TBC1D14: variants seen among roughly 807,000 people sequenced by gnomAD.
TBC1D14 encodes the protein TBC1 domain family member 14, also known as TBC1 domain family, member 14.
TBC1D14 carries 26 observed loss-of-function variants against 79.0 expected under a neutral mutation model. That is an observed-to-expected ratio of 0.33 (90% CI 0.24 to 0.46). The LOEUF (loss-of-function observed/expected upper bound fraction) is 0.46, where lower values mean the gene tolerates loss of function less well. Ranked by LOEUF, TBC1D14 falls within the 20% of genes least tolerant of loss-of-function variation. The pLI, the probability that TBC1D14 is intolerant of heterozygous loss-of-function variation, is 1.00. For synonymous variants in TBC1D14, 394 were observed against 349.9 expected (o/e 1.13, Z -1.40); for missense variants, 769 against 887.6 (o/e 0.87, Z 1.70).
At chr4:6,996,267 TC>T in intron 4 of TBC1D14, 57 bp from the exon 5 acceptor site, 1 of 1,420,972 alleles carries the variant, frequency 7.0e-7, no homozygotes, top group Admixed American at 1.9e-5. Context: ...TCAGGTTTTT[TC>T]TGAAAGACTT....
chr4:7,014,539 A>G lies in TBC1D14; in HGVS notation c.1739A>G (p.Asp580Gly). Residue 580 changes from aspartate to glycine, a missense_variant, in exon 12 of 14, where the codon GAT (aspartate) becomes GGT (glycine). Asp to Gly is a moderately conservative substitution (Grantham distance 94, BLOSUM62 -1). Coordinates refer to ENST00000409757, the MANE Select transcript of TBC1D14 (RefSeq NM_020773.3). ...AHFKKNNLTPDIYLIDWIFTL... is the reference protein window; with the variant it reads ...AHFKKNNLTPGIYLIDWIFTL... ...TTCAAGAAGAACAACCTAACTCCAG[A>G]TATCTACCTAATTGATTGGTAAGAC... 6.2e-7 allele frequency: 1 copy of G among 1,612,154 alleles called. No homozygotes were observed. Among genetic ancestry groups the G allele is most frequent in the Non-Finnish European group, 8.5e-7 (1 of 1,178,324 alleles).
At chr4:6,942,219 G>C (rs1162092277) in intron 2 of TBC1D14, among the ~76,000 whole-genome samples, 1 of 151,880 alleles carries the variant, frequency 6.6e-6, no homozygotes, top group Non-Finnish European at 1.5e-5. Context: ...TTTATTTTTA[G>C]AATATTCAGT....
At chr4:6,942,354 C>G (rs1712994137) in intron 2 of TBC1D14, among the ~76,000 whole-genome samples, 1 of 152,112 alleles carries the variant, frequency 6.6e-6, no homozygotes, top group Non-Finnish European at 1.5e-5. Flanking sequence ...CGAGCTGTTT[C>G]AACTCCAGTT....
At chr4:6,982,556 T>C (rs1312489905) in intron 3 of TBC1D14, among the ~76,000 whole-genome samples, 1 of 152,204 alleles carries the variant, frequency 6.6e-6, no homozygotes, top group African/African-American at 2.4e-5. Flanking sequence ...CATAGGACTA[T>C]ATACACTAAA....
rs1722225138 is a variant in TBC1D14, at chr4:7,025,143, A to T, written c.1897A>T (p.Met633Leu). 1 of 1,614,164 alleles carries T rather than the reference A, an allele frequency of 6.2e-7. No individual in the cohort carries two copies. Among genetic ancestry groups the T allele is most frequent in the Non-Finnish European group, 8.5e-7 (1 of 1,180,022 alleles). The change falls in exon 13 of 14, where the codon ATG (methionine) becomes TTG (leucine). Residue 633 changes from methionine (M) to leucine (L), a missense_variant. By Grantham distance (15) the Met-to-Leu change is conservative (BLOSUM62 2). Coordinates refer to ENST00000409757, the MANE Select transcript of TBC1D14 (RefSeq NM_020773.3). ...GCTGTTCGAGGACATCCTGACCAAG[A>T]TGGACTTCATTCACATGGCCCAGTT... ...LKLFEDILTKMDFIHMAQFLT... is the reference protein window; with the variant it reads ...LKLFEDILTKLDFIHMAQFLT...
intron 1 of TBC1D14, among the ~76,000 whole-genome samples, chr4:6,914,476 G>C (rs1723236536): frequency 6.6e-6 from 1 of 152,196 alleles, no homozygotes; most frequent in African/African-American, 2.4e-5. Context: ...TCAATCCACT[G>C]TTTTAGGCTG....
intron 9 of TBC1D14, 34 bp from the exon 10 acceptor site, chr4:7,009,843 G>A: frequency 6.2e-7 from 1 of 1,609,374 alleles, no homozygotes; most frequent in Non-Finnish European, 8.5e-7. Context: ...CAGTACTCAT[G>A]CATGTGTTGT....
chr4:6,955,793 C>T (rs1714576050), intron 2 of TBC1D14, among the ~76,000 whole-genome samples: 1 of 152,138 alleles, frequency 6.6e-6, no homozygotes, highest in South Asian at 2.1e-4. Context: ...ACCTGCTCCA[C>T]CAGGTCAGGG....
intron 7 of TBC1D14, among the ~76,000 whole-genome samples, chr4:7,003,997 G>A (rs1719930226): frequency 6.6e-6 from 1 of 152,084 alleles, no homozygotes; most frequent in Non-Finnish European, 1.5e-5. Context: ...GACAGAGCAA[G>A]ACTCCATCTC....
At position 6,911,553 on chromosome 4, in the gene TBC1D14, C is replaced by T. The variant is rs867448522; in HGVS notation, c.-18+1602C>T. On this transcript the variant is annotated intron_variant, in intron 1 of 13. Coordinates refer to ENST00000409757, the MANE Select transcript of TBC1D14 (RefSeq NM_020773.3). ...CACATTCAGCTTGGGCTTTGCCTCT[C>T]CTGGCTTCTGCTGTTCCCCTGTGTT... 3.9e-5 allele frequency among the ~76,000 whole-genome samples: 6 copies of T among 152,278 alleles called. No homozygotes were observed. In the South Asian group the frequency reaches 1.2e-3, roughly 31 times the overall value.
In TBC1D14 at chr4:7,025,237, A is replaced by G; in HGVS notation, c.1991A>G (p.Gln664Arg). 1.2e-6 allele frequency: 2 copies of G among 1,614,246 alleles called. No homozygotes were observed. The highest frequency in any genetic ancestry group is 1.7e-6 in the Non-Finnish European group (2 of 1,180,032). Residue 664 changes from glutamine (Q) to arginine (R), a missense_variant, in exon 13 of 14, where the codon CAG becomes CGG. This residue lies in a region of TBC1D14 where 367 missense variants were observed against 494.4 expected (regional missense o/e 0.74). Coordinates refer to ENST00000409757, the MANE Select transcript of TBC1D14 (RefSeq NM_020773.3). ...GCCTCCATCGCCACGATCCAGATGC[A>G]GAGCCGAAACAAGAAGTGGGCTCAG... ...LFASIATIQM[Q>R]SRNKKWAQVL...
chr4:7,024,061 C>G (rs902560412), intron 12 of TBC1D14, among the ~76,000 whole-genome samples: 2 of 152,210 alleles, frequency 1.3e-5, no homozygotes, highest in Admixed American at 1.3e-4. Flanking sequence ...TCCTCGGGAC[C>G]TGGAGGACAG....
chr4:7,025,033 C>T lies in TBC1D14; in HGVS notation c.1787C>T (p.Pro596Leu). The T allele has an allele frequency of 6.2e-7, 1 of 1,614,138 alleles. No homozygotes were observed. Among genetic ancestry groups the T allele is most frequent in the Admixed American group, 1.7e-5 (1 of 60,022 alleles). Reference sequence around the variant, plus strand: ...TTTACCTTATATAGTAAATCTCTGCCCCTCGACCTGGCCTGTCGTATCTGG... The same window carrying T: ...TTTACCTTATATAGTAAATCTCTGCTCCTCGACCTGGCCTGTCGTATCTGG... ...WIFTLYSKSLPLDLACRIWDV... is the reference protein window; with the variant it reads ...WIFTLYSKSLLLDLACRIWDV... Residue 596 changes from proline to leucine, a missense_variant, in exon 13 of 14, where the codon CCC (proline) becomes CTC (leucine). Pro to Leu is a moderately conservative substitution (Grantham distance 98). Around this residue, in one of 2 missense-constraint regions of TBC1D14, gnomAD observed 367 missense variants for 494.4 expected, o/e 0.74. Transcript: ENST00000409757.
At chr4:7,017,224 C>G (rs1721375668) in intron 12 of TBC1D14, among the ~76,000 whole-genome samples, 1 of 151,908 alleles carries the variant, frequency 6.6e-6, no homozygotes, top group African/African-American at 2.4e-5. Flanking sequence ...CATTTGAACC[C>G]AGGAGGCAGA....
At chr4:6,987,305 G>T (rs1427911584) in intron 3 of TBC1D14, 12 of 1,388,468 alleles carry the variant, frequency 8.6e-6, no homozygotes, top group Non-Finnish European at 8.5e-6. Flanking sequence ...CGCTCGCTGG[G>T]CATGGAGCCT....
chr4:7,010,585 A>G (rs1720653646), intron 10 of TBC1D14, 68 bp from the exon 11 acceptor site: 14 of 1,549,520 alleles, frequency 9.0e-6, no homozygotes, highest in Non-Finnish European at 1.1e-5. Context: ...TGTCTTTGCT[A>G]AAAATGAACA....
chr4:6,926,974 T>C (rs1195277181), intron 2 of TBC1D14, among the ~76,000 whole-genome samples: 1 of 152,206 alleles, frequency 6.6e-6, no homozygotes, highest in Non-Finnish European at 1.5e-5. Context: ...CTCTGGGTTA[T>C]GGAAGGACGT....
chr4:6,965,510 T>A (rs1715625743), intron 2 of TBC1D14, among the ~76,000 whole-genome samples: 1 of 152,162 alleles, frequency 6.6e-6, no homozygotes, highest in African/African-American at 2.4e-5. Context: ...GGTGTGTTGT[T>A]CCCCATGCAT....
intron 1 of TBC1D14, among the ~76,000 whole-genome samples, chr4:6,921,414 G>A (rs1325514806): frequency 1.3e-5 from 2 of 151,986 alleles, no homozygotes; most frequent in African/African-American, 4.8e-5. Context: ...CATTGTTGCC[G>A]AGGCTTGCTT....
Sources: gnomAD v4.1 joint callset for allele counts (sites outside exome capture counted in the v4.1 genomes callset) on GRCh38, gnomAD v4.1.1 for gene constraint, gnomAD v4.1.1 regional missense constraint, MANE v1.5 for transcripts, NCBI Gene and HGNC (gene_info 2026-07-23, HGNC 2026-07-21) for gene names.